Variants in DKK3 observed in about 807,000 individuals in gnomAD.
The protein encoded by DKK3 is dickkopf-related protein 3.
A neutral mutation model predicts 33.2 loss-of-function variants in DKK3; 22 were observed. The observed-to-expected ratio is 0.66, with a 90% CI of 0.47 to 0.95. The LOEUF is 0.95. Ranked by LOEUF, DKK3 falls within the 40% of genes least tolerant of loss-of-function variation. DKK3 has a pLI of 0.00. For missense variants in DKK3, 398 were observed against 458.4 expected (o/e 0.87, Z 1.20); for synonymous variants, 194 against 188.8 (o/e 1.03, Z -0.23).
intron 3 of DKK3, among the ~76,000 whole-genome samples, chr11:11,973,443 G>A (rs561159232): frequency 2.6e-5 from 4 of 152,168 alleles, no homozygotes; most frequent in Admixed American, 6.5e-5. Flanking sequence ...GCCACTGAGC[G>A]TCTGGGCCCA....
intron 3 of DKK3, chr11:11,979,754 A>G (rs1235374902): frequency 6.6e-6 from 1 of 152,508 alleles, no homozygotes; most frequent in Non-Finnish European, 1.5e-5. Flanking sequence ...CCTCTCCACC[A>G]GACTCCTTTC....
chr11:12,001,011 T>C (rs894759350), intron 2 of DKK3, among the ~76,000 whole-genome samples: 1 of 152,244 alleles, frequency 6.6e-6, no homozygotes, highest in Non-Finnish European at 1.5e-5. Context: ...CCTTATTTCA[T>C]AAATGCAGTT....
At chr11:11,987,611 C>T (rs1032304429) in intron 3 of DKK3, among the ~76,000 whole-genome samples, 18 of 151,976 alleles carry the variant, frequency 1.2e-4, no homozygotes, top group African/African-American at 2.2e-4. Context: ...GCCATGTGCC[C>T]GGAGGTGGGG....
In DKK3 at chr11:11,963,948, T is replaced by G. The variant is rs1412160110; in HGVS notation, c.*516A>C. 6.3e-6 allele frequency: 1 copy of G among 159,378 alleles called. No individual in the cohort carries two copies. The highest frequency in any genetic ancestry group is 1.4e-5 in the Non-Finnish European group (1 of 72,216). The allele number at this position is 159,378 out of a possible 1,614,324, so 9.9% of individuals were successfully genotyped here. A position where few individuals can be genotyped will look rare whatever the true frequency, so the allele number is the denominator to read the frequency against. ...CAACACTGCTGGATGAATAAACACA[T>G]GTAATGCAGGGTGAACAGAACATTT... On this transcript the variant is annotated 3_prime_UTR_variant, in exon 7 of 7. Transcript: ENST00000683431.
intron 3 of DKK3, chr11:11,979,184 A>T (rs1847902907): frequency 6.6e-6 from 1 of 152,296 alleles, no homozygotes; most frequent in South Asian, 2.1e-4. Flanking sequence ...CCCAACCCGC[A>T]GGGAGCTCCA....
intron 3 of DKK3, among the ~76,000 whole-genome samples, chr11:11,983,483 G>A (rs1847999530): frequency 6.6e-6 from 1 of 152,206 alleles, no homozygotes; most frequent in Admixed American, 6.5e-5. Flanking sequence ...AAGGTTCCAG[G>A]GGCTGTGACC....
At chr11:11,992,380 C>T (rs574863373) in intron 3 of DKK3, among the ~76,000 whole-genome samples, 5 of 152,202 alleles carry the variant, frequency 3.3e-5, no homozygotes, top group Non-Finnish European at 5.9e-5. Context: ...TGCCTGTGCC[C>T]GAGCTGTTAA....
intron 3 of DKK3, among the ~76,000 whole-genome samples, chr11:11,992,447 G>T (rs185505049): frequency 6.6e-6 from 1 of 152,158 alleles, no homozygotes; most frequent in Non-Finnish European, 1.5e-5. Flanking sequence ...GTCTGTATTC[G>T]CAGGGGTGGA....
In DKK3 at chr11:11,998,695, C is replaced by T. The variant is rs376911045; in HGVS notation, c.435+1G>A. The T allele has an allele frequency of 1.7e-5, 28 of 1,613,436 alleles. No homozygotes were observed. The African/African-American group carries it at 2.0e-4, about 12-fold the overall frequency. ...CAAGTACAGGGGAAATGACAACTTA[C>T]GTGGCTCCTTCTGCCTTCTTCGTCT... On this transcript the variant is annotated splice_donor_variant, in intron 3 of 6. Transcript: ENST00000683431. LOFTEE classifies it high-confidence loss of function.
intron 3 of DKK3, among the ~76,000 whole-genome samples, chr11:11,974,412 A>C (rs564728091): frequency 1.3e-5 from 2 of 152,348 alleles, no homozygotes; most frequent in East Asian, 3.9e-4. Context: ...TTATTGGCTC[A>C]TGGTTCTGCA....
chr11:11,981,866 G>A lies in DKK3; in HGVS notation c.436-13379C>T, dbSNP rs189669453. Reference sequence around the variant, plus strand: ...CTTGGTTGCTCTCCAGGCCAAACAGGTTTATATTATCATCCATGGCTAGGC... The same window carrying A: ...CTTGGTTGCTCTCCAGGCCAAACAGATTTATATTATCATCCATGGCTAGGC... On this transcript the variant is annotated intron_variant, in intron 3 of 6. Transcript: ENST00000683431. Among the ~76,000 whole-genome samples, 283 of 152,090 alleles carry A rather than the reference G, an allele frequency of 1.9e-3. 3 individuals carry two copies. Among genetic ancestry groups the A allele is most frequent in the Non-Finnish European group, 2.7e-3 (184 of 68,002 alleles).
At chr11:11,985,574 TAGA>T (rs1848053381) in intron 3 of DKK3, among the ~76,000 whole-genome samples, 1 of 152,250 alleles carries the variant, frequency 6.6e-6, no homozygotes, top group African/African-American at 2.4e-5. Flanking sequence ...TTCAGTGCAC[TAGA>T]AGGAGTCTAG....
chr11:11,990,982 C>T (rs1848175840), intron 3 of DKK3, among the ~76,000 whole-genome samples: 1 of 152,180 alleles, frequency 6.6e-6, no homozygotes, highest in African/African-American at 2.4e-5. Flanking sequence ...ACTTCTGGGT[C>T]AGAGACAAAG....
intron 1 of DKK3, among the ~76,000 whole-genome samples, chr11:12,003,535 C>T (rs1055817016): frequency 3.3e-5 from 5 of 152,186 alleles, no homozygotes; most frequent in African/African-American, 9.7e-5. Flanking sequence ...AGATTTATCA[C>T]CCTGTCCTGG....
At position 11,975,491 on chromosome 11, in the gene DKK3, T is replaced by C. The variant is rs187344480; in HGVS notation, c.436-7004A>G. Among the ~76,000 whole-genome samples, 17 of 152,308 alleles carry C rather than the reference T, an allele frequency of 1.1e-4. No individual in the cohort carries two copies. The East Asian group carries it at 3.3e-3, about 29-fold the overall frequency. Reference sequence around the variant, plus strand: ...TGGTGTGGTCATGCCAGGCCCTGAGTGCTCCCAGGATGAACAGATGGTATA... The same window carrying C: ...TGGTGTGGTCATGCCAGGCCCTGAGCGCTCCCAGGATGAACAGATGGTATA... On this transcript the variant is annotated intron_variant, in intron 3 of 6. Transcript: ENST00000683431.
chr11:11,995,447 C>T lies in DKK3; in HGVS notation c.435+3249G>A, dbSNP rs149397716. Among the ~76,000 whole-genome samples, 583 of 152,254 alleles carry T rather than the reference C, an allele frequency of 3.8e-3. 4 individuals are homozygous for T. Among genetic ancestry groups the T allele is most frequent in the African/African-American group, 0.012 (500 of 41,536 alleles). On this transcript the variant is annotated intron_variant, in intron 3 of 6. Transcript: ENST00000683431. ...ACATGATTGAACTTACAGCTTCAAA[C>T]TAGGTGTGTTCACCTAGATACAAAC...
intron 1 of DKK3, among the ~76,000 whole-genome samples, chr11:12,006,363 T>G (rs1848535935): frequency 6.6e-6 from 1 of 152,216 alleles, no homozygotes; most frequent in Non-Finnish European, 1.5e-5. Flanking sequence ...TCTCATTTAA[T>G]TCTCACCTTA....
intron 3 of DKK3, among the ~76,000 whole-genome samples, chr11:11,980,916 CA>C (rs1188995983): frequency 6.6e-6 from 1 of 152,092 alleles, no homozygotes; most frequent in Non-Finnish European, 1.5e-5. Flanking sequence ...CCAGGCAACC[CA>C]AGGAGGGAAA....
rs375280419 is a variant in DKK3 at position 11,969,380 on chromosome 11, G to A, written c.436-893C>T. 1.7e-4 allele frequency among the ~76,000 whole-genome samples: 26 copies of A among 152,244 alleles called. No individual in the cohort carries two copies. In the East Asian group the frequency reaches 2.9e-3, roughly 17 times the overall value. On this transcript the variant is annotated intron_variant, in intron 3 of 6. Transcript: ENST00000683431. The stretch of plus-strand genomic sequence containing the variant: ...GCCCTTTTGAGGTATCAGGCTTGAC[G>A]GCCCTGATCTTGTTCAGTGACTCCT...
Sources: gnomAD v4.1 joint callset for allele counts (sites outside exome capture counted in the v4.1 genomes callset) on GRCh38, gnomAD v4.1.1 for gene constraint, MANE v1.5 for transcripts, NCBI Gene and HGNC (gene_info 2026-07-23, HGNC 2026-07-21) for gene names.